EIF2B3: variants seen among roughly 807,000 people sequenced by gnomAD.
EIF2B3 encodes the protein translation initiation factor eIF2B subunit gamma.
EIF2B3 carries 20 observed loss-of-function variants against 54.1 expected under a neutral mutation model. The observed-to-expected ratio is 0.37, with a 90% CI of 0.26 to 0.54. The LOEUF is 0.54. Ranked by LOEUF, EIF2B3 falls within the 20% of genes least tolerant of loss-of-function variation. EIF2B3 has a pLI of 0.86. For synonymous variants in EIF2B3, 153 were observed against 188.1 expected (o/e 0.81, Z 1.52); for missense variants, 448 against 547.8 (o/e 0.82, Z 1.82).
chr1:44,937,862 C>A (rs1054132807), intron 4 of EIF2B3, among the ~76,000 whole-genome samples: 2 of 115,734 alleles, frequency 1.7e-5, no homozygotes, highest in Admixed American at 2.3e-4. Context: ...CCAGCCTGGG[C>A]GACAGAGCGA....
At chr1:44,978,621 C>CTTTTTTTTTTTTTTTTTTTTTTTTT (rs57964686) in intron 2 of EIF2B3, among the ~76,000 whole-genome samples, 161 bp from the exon 3 acceptor site, 1 of 76,634 alleles carries the variant, frequency 1.3e-5, no homozygotes, top group African/African-American at 6.5e-5. Context: ...CCAATAAATT[C>CTTTTTTTTTTTTTTTTTTTTTTTTT]TTTTTTTTTT....
At chr1:44,929,047 T>C (rs1376688636) in intron 4 of EIF2B3, among the ~76,000 whole-genome samples, 2 of 152,228 alleles carry the variant, frequency 1.3e-5, no homozygotes, top group African/African-American at 4.8e-5. Context: ...AGGTTTATTA[T>C]GCAGAATAAG....
At chr1:44,917,653 A>G (rs1643650440) in intron 5 of EIF2B3, among the ~76,000 whole-genome samples, 1 of 150,902 alleles carries the variant, frequency 6.6e-6, no homozygotes, top group Non-Finnish European at 1.5e-5. Flanking sequence ...AAAAAACTGA[A>G]TCATCTATTC....
chr1:44,952,355 C>T (rs1644174469), intron 3 of EIF2B3, among the ~76,000 whole-genome samples: 1 of 151,992 alleles, frequency 6.6e-6, no homozygotes, highest in Non-Finnish European at 1.5e-5. Context: ...CTGCCTCGGC[C>T]TCCCAAAGTG....
chr1:44,906,378 G>A (rs1226617385), intron 5 of EIF2B3, among the ~76,000 whole-genome samples: 1 of 152,216 alleles, frequency 6.6e-6, no homozygotes, highest in Non-Finnish European at 1.5e-5. Flanking sequence ...ATGCCTCAAA[G>A]CTTTGTTTCA....
chr1:44,971,153 G>C (rs1644395254), intron 3 of EIF2B3, among the ~76,000 whole-genome samples: 2 of 152,188 alleles, frequency 1.3e-5, no homozygotes, highest in South Asian at 4.1e-4. Context: ...GGAGGCCGAG[G>C]CGGGCGGATC....
At chr1:44,861,107 A>G (rs560136145) in intron 10 of EIF2B3, among the ~76,000 whole-genome samples, 2 of 152,374 alleles carry the variant, frequency 1.3e-5, no homozygotes, top group Admixed American at 1.3e-4. Flanking sequence ...CAGAGACAGC[A>G]CTAGTTTGCC....
At chr1:44,974,950 C>A (rs1644438025) in intron 3 of EIF2B3, among the ~76,000 whole-genome samples, 1 of 151,772 alleles carries the variant, frequency 6.6e-6, no homozygotes, top group South Asian at 2.1e-4. Flanking sequence ...TGTGGTGGCT[C>A]ATGCCTGTTA....
chr1:44,939,693 A>T (rs12404168), intron 4 of EIF2B3, among the ~76,000 whole-genome samples: 22,622 of 152,044 alleles, frequency 0.15, 1,810 homozygotes, highest in Non-Finnish European at 0.17. Flanking sequence ...AAATCTGTGC[A>T]TTTATAATGA....
At chr1:44,958,496 T>C (rs538624389) in intron 3 of EIF2B3, 1 of 919,694 alleles carries the variant, frequency 1.1e-6, no homozygotes. Flanking sequence ...ATACAGTAGA[T>C]GATTACTGCG....
chr1:44,916,261 G>T (rs1045413646), intron 5 of EIF2B3, among the ~76,000 whole-genome samples: 33 of 151,842 alleles, frequency 2.2e-4, no homozygotes, highest in African/African-American at 2.4e-5. Flanking sequence ...TCTCTCTGTT[G>T]TCCAGGCTAG....
intron 3 of EIF2B3, among the ~76,000 whole-genome samples, chr1:44,977,351 C>T (rs115083078): frequency 0.011 from 1,715 of 152,228 alleles, 34 homozygotes; most frequent in African/African-American, 0.039. Flanking sequence ...TTCCTTTGTA[C>T]TTCTTTCTAG....
chr1:44,902,361 AG>A (rs1643322432), intron 5 of EIF2B3, among the ~76,000 whole-genome samples: 1 of 152,136 alleles, frequency 6.6e-6, no homozygotes, highest in Admixed American at 6.6e-5. Flanking sequence ...AGATTCTAAT[AG>A]GGTTTGTGAT....
rs988073465 is a variant in EIF2B3 at position 44,874,944 on chromosome 1, G to A, written c.1054-118C>T. 30 of 1,284,630 alleles carry A rather than the reference G, an allele frequency of 2.3e-5. No individual in the cohort carries two copies. The African/African-American group carries it at 3.5e-4, about 15-fold the overall frequency. The allele number at this position is 1,284,630 out of a possible 1,614,324, so 79.6% of individuals were successfully genotyped here. The stretch of plus-strand genomic sequence containing the variant: ...TTCCATAGAGACACTTCAGCAAGAG[G>A]GACCATGATCAGTATTTCTCAGGGC... On this transcript the variant is annotated intron_variant, in intron 9 of 11. Coordinates refer to ENST00000360403, the MANE Select transcript of EIF2B3 (RefSeq NM_020365.5).
At chr1:44,978,983 T>A (rs1644484378) in intron 2 of EIF2B3, among the ~76,000 whole-genome samples, 1 of 151,878 alleles carries the variant, frequency 6.6e-6, no homozygotes, top group Admixed American at 6.6e-5. Flanking sequence ...AAATGAGGAA[T>A]CTTGGATTAA....
chr1:44,935,889 C>A (rs1331157948), intron 4 of EIF2B3, among the ~76,000 whole-genome samples: 1 of 151,856 alleles, frequency 6.6e-6, no homozygotes, highest in Non-Finnish European at 1.5e-5. Context: ...GGGGAGAGTA[C>A]AATGAACACT....
intron 4 of EIF2B3, among the ~76,000 whole-genome samples, chr1:44,939,370 T>G (rs561962578): frequency 6.6e-6 from 1 of 152,284 alleles, no homozygotes; most frequent in East Asian, 1.9e-4. Context: ...AGGACTTCCA[T>G]TGGCCAAACT....
At chr1:44,913,805 T>C (rs1333350134) in intron 5 of EIF2B3, among the ~76,000 whole-genome samples, 1 of 150,642 alleles carries the variant, frequency 6.6e-6, no homozygotes, top group Non-Finnish European at 1.5e-5. Flanking sequence ...CAGCCTTACT[T>C]GCTTTTAAAA....
chr1:44,892,277 T>A, intron 6 of EIF2B3, among the ~76,000 whole-genome samples: 1 of 152,150 alleles, frequency 6.6e-6, no homozygotes. Context: ...GATTTTTGGA[T>A]ACAGAAGGTA....
Sources: gnomAD v4.1 joint callset for allele counts (sites outside exome capture counted in the v4.1 genomes callset) on GRCh38, gnomAD v4.1.1 for gene constraint, MANE v1.5 for transcripts, NCBI Gene and HGNC (gene_info 2026-07-23, HGNC 2026-07-21) for gene names.